Variants in LDHAL6A observed in about 807,000 individuals in gnomAD.
The protein encoded by LDHAL6A is L-lactate dehydrogenase A-like 6A.
Under a neutral mutation model 28.2 loss-of-function variants are expected in LDHAL6A, and 19 were observed. The observed-to-expected ratio is 0.67, with a 90% CI of 0.47 to 0.99. The LOEUF is 0.99. Among genes scored for constraint, LDHAL6A ranks in the 50% least tolerant of loss-of-function variants. The pLI, the probability that LDHAL6A is intolerant of heterozygous loss-of-function variation, is 0.00. For synonymous variants in LDHAL6A, 144 were observed against 134.4 expected, an observed-to-expected ratio of 1.07 and a Z score of -0.49; for missense variants, 372 against 398.6, an observed-to-expected ratio of 0.93 and a Z score of 0.57.
At chr11:18,475,844 C>G (rs1017222368) in intron 4 of LDHAL6A, 1 of 476,122 alleles carries the variant, frequency 2.1e-6, no homozygotes, top group Admixed American at 3.8e-5. Context: ...ATACTATAAT[C>G]CTACATATGG....
intron 3 of LDHAL6A, among the ~76,000 whole-genome samples, 156 bp downstream of exon 3, chr11:18,465,966 C>G (rs189370948): frequency 6.6e-6 from 1 of 152,184 alleles, no homozygotes; most frequent in African/African-American, 2.4e-5. Flanking sequence ...TCAGCCCTTG[C>G]TGCTCTCACT....
At chr11:18,464,867 G>A (rs1252752285) in intron 2 of LDHAL6A, among the ~76,000 whole-genome samples, 1 of 152,012 alleles carries the variant, frequency 6.6e-6, no homozygotes, top group Admixed American at 6.6e-5. Flanking sequence ...CTATTCAAAG[G>A]TCTGTTCACA....
intron 3 of LDHAL6A, among the ~76,000 whole-genome samples, chr11:18,472,534 A>G (rs1360476444): frequency 6.6e-6 from 1 of 150,456 alleles, no homozygotes; most frequent in Non-Finnish European, 1.5e-5. Context: ...AATCTGCCAT[A>G]AAAAATATGG....
intron 3 of LDHAL6A, among the ~76,000 whole-genome samples, chr11:18,466,186 C>T (rs578228868): frequency 6.6e-6 from 1 of 152,232 alleles, no homozygotes; most frequent in African/African-American, 2.4e-5. Flanking sequence ...GCTTTATTTT[C>T]ACTGTTCAGT....
chr11:18,468,280 T>G (rs1204290091), intron 3 of LDHAL6A: 1 of 151,388 alleles, frequency 6.6e-6, no homozygotes, highest in Non-Finnish European at 1.5e-5. Flanking sequence ...TGTTGAAGTG[T>G]GAATGTCTTT....
intron 5 of LDHAL6A, among the ~76,000 whole-genome samples, chr11:18,477,327 C>T (rs1474681493): frequency 4.6e-5 from 7 of 151,920 alleles, no homozygotes; most frequent in South Asian, 2.1e-4. Context: ...CGCATGGTGG[C>T]GCATGCTTGT....
rs538308595 is a variant in LDHAL6A, at chr11:18,471,489, C to T, written c.419-3977C>T. 9.2e-5 allele frequency among the ~76,000 whole-genome samples: 14 copies of T among 152,044 alleles called. No homozygotes were observed. The East Asian group carries it at 2.5e-3, about 27-fold the overall frequency. On this transcript the variant is annotated intron_variant, in intron 3 of 6. Transcript: ENST00000280706. ...CCTCCCGAAGTGCTGGGATTACAGA[C>T]GTGAACCGCCACGCCTGCATACAGA...
intron 3 of LDHAL6A, among the ~76,000 whole-genome samples, chr11:18,467,902 T>TATATACACACAC (rs1849119552): frequency 1.4e-5 from 1 of 70,832 alleles, no homozygotes; most frequent in African/African-American, 7.9e-5. Flanking sequence ...TATATATATA[T>TATATACACACAC]ATATATATAT....
At chr11:18,478,574 A>G (rs983505096) in intron 6 of LDHAL6A, 132 bp from the exon 7 acceptor site, 40 of 692,614 alleles carry the variant, frequency 5.8e-5, no homozygotes, top group Non-Finnish European at 9.3e-5. Flanking sequence ...AAAAAAGAAA[A>G]AAGTTCTCTG....
intron 2 of LDHAL6A, among the ~76,000 whole-genome samples, chr11:18,464,968 G>GTTTTTTTTTTTTTTTTTTTTTTT (rs1565068644): frequency 1.3e-3 from 5 of 3,802 alleles, no homozygotes; most frequent in African/African-American, 2.3e-3. Flanking sequence ...GAGGTGAGGT[G>GTTTTTTTTTTTTTTTTTTTTTTT]TTTTTTTTGT....
In LDHAL6A at chr11:18,456,299, G is replaced by C. The variant is rs1015265600; in HGVS notation, c.-382G>C. On this transcript the variant is annotated 5_prime_UTR_variant, in exon 1 of 7. Coordinates refer to ENST00000280706, the MANE Select transcript of LDHAL6A (RefSeq NM_144972.5). ...CGCAGTCCTGGAGCTGAGAACTGGA[G>C]GTTGGGGGAACAGCAGGGTAAAGGG... 4.8e-6 allele frequency: 1 copy of C among 208,428 alleles called. No homozygotes were observed. Among genetic ancestry groups the C allele is most frequent in the African/African-American group, 2.4e-5 (1 of 41,864 alleles). The allele number at this position is 208,428 out of a possible 1,614,324, so 12.9% of individuals were successfully genotyped here.
intron 5 of LDHAL6A, 103 bp downstream of exon 5, chr11:18,476,604 A>T (rs993848595): frequency 6.1e-6 from 9 of 1,484,890 alleles, no homozygotes; most frequent in East Asian, 2.4e-5. Context: ...TGTATTTCCC[A>T]TATTTTTATT....
chr11:18,465,612 ATTG>A, intron 2 of LDHAL6A, 22 bp from the exon 3 acceptor site: 1 of 1,591,898 alleles, frequency 6.3e-7, no homozygotes, highest in Non-Finnish European at 8.6e-7. Flanking sequence ...TTCATAATCG[ATTG>A]TTTATTCTAA....
At chr11:18,464,977 G>GTTTTTTTTGTTTTTTTTTTTTTT (rs1849016188) in intron 2 of LDHAL6A, among the ~76,000 whole-genome samples, 7 of 125,564 alleles carry the variant, frequency 5.6e-5, no homozygotes, top group Admixed American at 8.3e-5. Flanking sequence ...TGTTTTTTTT[G>GTTTTTTTTGTTTTTTTTTTTTTT]TTTTTTTTTG....
At chr11:18,469,211 A>C in intron 3 of LDHAL6A, 1 of 639,014 alleles carries the variant, frequency 1.6e-6, no homozygotes, top group Non-Finnish European at 2.8e-6. Context: ...CGTTCAGGGC[A>C]CTGAAGTCTG....
Position 18,464,977 on chromosome 11 carries a change from G to GTT in LDHAL6A, c.245-652_245-651dup, listed in dbSNP as rs67628824. On this transcript the variant is annotated intron_variant, in intron 2 of 6. Transcript: ENST00000280706. The stretch of plus-strand genomic sequence containing the variant: ...TTTTAGGAGGTGAGGTGTTTTTTTT[G>GTT]TTTTTTTTTGTTTTGTTTTGTTTTG... 8.7e-3 allele frequency among the ~76,000 whole-genome samples: 1,093 copies of GTT among 125,490 alleles called. 65 individuals are homozygous for GTT. The highest frequency in any genetic ancestry group is 0.022 in the African/African-American group (643 of 29,794). 82.3% of individuals were successfully genotyped at this position (125,490 alleles called of 152,430 possible).
At chr11:18,473,548 GCCA>G in intron 3 of LDHAL6A, among the ~76,000 whole-genome samples, 1 of 152,170 alleles carries the variant, frequency 6.6e-6, no homozygotes, top group Non-Finnish European at 1.5e-5. Flanking sequence ...AAAGGTGCAT[GCCA>G]CCACACTTGA....
chr11:18,464,515 G>A (rs1461039196), intron 2 of LDHAL6A, among the ~76,000 whole-genome samples: 1 of 152,084 alleles, frequency 6.6e-6, no homozygotes, highest in Non-Finnish European at 1.5e-5. Flanking sequence ...GGGAGTTCGA[G>A]ACCAGCCTGA....
chr11:18,474,620 C>T (rs1849328260), intron 3 of LDHAL6A, among the ~76,000 whole-genome samples: 1 of 152,060 alleles, frequency 6.6e-6, no homozygotes, highest in East Asian at 1.9e-4. Context: ...CTCTTGACCT[C>T]AGGTAATCCA....
Sources: gnomAD v4.1 joint callset for allele counts (sites outside exome capture counted in the v4.1 genomes callset) on GRCh38, gnomAD v4.1.1 for gene constraint, MANE v1.5 for transcripts, NCBI Gene and HGNC (gene_info 2026-07-23, HGNC 2026-07-21) for gene names.